The following PRKN variants were observed in gnomAD, a reference collection of about 807,000 sequenced individuals.
The protein encoded by PRKN is E3 ubiquitin-protein ligase parkin.
In PRKN, 56 loss-of-function variants were observed where a neutral mutation model predicts 59.5. That is an observed-to-expected ratio of 0.94 (90% confidence interval 0.76 to 1.18). The LOEUF (loss-of-function observed/expected upper bound fraction) is 1.18, where lower values mean the gene tolerates loss of function less well. Ranked by LOEUF, PRKN falls within the 50% of genes most tolerant of loss-of-function variation. The pLI, the probability that PRKN is intolerant of heterozygous loss-of-function variation, is 0.00. For synonymous variants in PRKN, 250 were observed against 222.1 expected, an observed-to-expected ratio of 1.13 and a Z score of -1.12; for missense variants, 657 against 596.4, an observed-to-expected ratio of 1.10 and a Z score of -1.06.
At chr6:162,491,397 G>A (rs1221401374) in intron 1 of PRKN, among the ~76,000 whole-genome samples, 1 of 152,194 alleles carries the variant, frequency 6.6e-6, no homozygotes, top group East Asian at 1.9e-4. Context: ...AGATCACCAT[G>A]CTTCACTGGG....
intron 7 of PRKN, among the ~76,000 whole-genome samples, chr6:161,674,621 C>G (rs1019887948): frequency 6.6e-6 from 1 of 152,046 alleles, no homozygotes; most frequent in Non-Finnish European, 1.5e-5. Flanking sequence ...ATATTACATG[C>G]GTAATTGTGG....
At chr6:162,661,959 C>T (rs1778901677) in intron 1 of PRKN, among the ~76,000 whole-genome samples, 1 of 152,160 alleles carries the variant, frequency 6.6e-6, no homozygotes, top group Non-Finnish European at 1.5e-5. Flanking sequence ...GGTTTTTCAA[C>T]CCTCATCCCC....
At chr6:162,187,542 T>A (rs1019735430) in intron 4 of PRKN, among the ~76,000 whole-genome samples, 1 of 152,044 alleles carries the variant, frequency 6.6e-6, no homozygotes, top group Non-Finnish European at 1.5e-5. Context: ...ACACCACCCC[T>A]CCAGCAAGTG....
At chr6:162,180,368 C>T (rs574860880) in intron 4 of PRKN, among the ~76,000 whole-genome samples, 54 of 152,284 alleles carry the variant, frequency 3.5e-4, no homozygotes, top group African/African-American at 1.2e-3. Context: ...GTGCTTATTT[C>T]ACATTGCATG....
chr6:162,022,030 ATCT>A (rs963235481), intron 5 of PRKN, among the ~76,000 whole-genome samples: 2 of 151,820 alleles, frequency 1.3e-5, no homozygotes. Flanking sequence ...CAGGATTTTG[ATCT>A]TTTTTTTTGG....
chr6:161,442,549 G>T lies in PRKN; in HGVS notation c.1084-55672C>A, dbSNP rs1254534307. Among the ~76,000 whole-genome samples, 1 of 152,182 alleles carries T rather than the reference G, an allele frequency of 6.6e-6. No individual in the cohort carries two copies. The highest frequency in any genetic ancestry group is 1.5e-5 in the Non-Finnish European group (1 of 68,040). On this transcript the variant is annotated intron_variant, in intron 9 of 11. Transcript: ENST00000366898. The surrounding 1 kb of genome is among the most constrained non-coding windows in gnomAD (Gnocchi z 4.6). ...CGAGTACAAGAAGGCACTGAATAGC[G>T]TGCCGTTCCGCACCACCAAGCGGAA...
chr6:162,618,373 A>G (rs537584867), intron 1 of PRKN, among the ~76,000 whole-genome samples: 117 of 152,294 alleles, frequency 7.7e-4, no homozygotes, highest in African/African-American at 2.7e-3. Flanking sequence ...TATGCTGCCA[A>G]CCAGTTTCTA....
At chr6:162,466,690 G>A (rs1207306816) in intron 1 of PRKN, among the ~76,000 whole-genome samples, 1 of 151,930 alleles carries the variant, frequency 6.6e-6, no homozygotes, top group African/African-American at 2.4e-5. Flanking sequence ...TTACAGGCAT[G>A]AGCCACCACA....
intron 1 of PRKN, among the ~76,000 whole-genome samples, chr6:162,514,207 C>T (rs1290426966): frequency 1.3e-5 from 2 of 151,592 alleles, no homozygotes; most frequent in African/African-American, 4.8e-5. Flanking sequence ...TTTCTTAAGA[C>T]TAATTTCTTC....
chr6:162,253,778 C>T (rs1033108528), intron 3 of PRKN, among the ~76,000 whole-genome samples: 3 of 151,722 alleles, frequency 2.0e-5, no homozygotes, highest in African/African-American at 4.9e-5. Context: ...AAAGAGGCAA[C>T]TTCATATCCA....
chr6:161,858,858 CTTTTT>C (rs71544920), intron 6 of PRKN, among the ~76,000 whole-genome samples: 3 of 71,934 alleles, frequency 4.2e-5, no homozygotes, highest in South Asian at 6.2e-4. Context: ...CACAGCTGTA[CTTTTT>C]TTTTTTTTTT....
chr6:162,594,010 C>T (rs1325943748), intron 1 of PRKN, among the ~76,000 whole-genome samples: 4 of 152,022 alleles, frequency 2.6e-5, no homozygotes, highest in Non-Finnish European at 4.4e-5. Flanking sequence ...ATTAGCCTAG[C>T]GTGGTGGCGT....
At chr6:162,517,759 T>C (rs1325656926) in intron 1 of PRKN, among the ~76,000 whole-genome samples, 1 of 151,962 alleles carries the variant, frequency 6.6e-6, no homozygotes, top group Non-Finnish European at 1.5e-5. Flanking sequence ...ATCATTCTGG[T>C]AAACTAAAAT....
At chr6:162,400,582 A>G (rs1201248077) in intron 2 of PRKN, among the ~76,000 whole-genome samples, 1 of 152,158 alleles carries the variant, frequency 6.6e-6, no homozygotes, top group Non-Finnish European at 1.5e-5. Flanking sequence ...AAACCGAACT[A>G]TCATTAGCTT....
chr6:161,449,570 A>C (rs770685280), intron 9 of PRKN, among the ~76,000 whole-genome samples: 1 of 152,208 alleles, frequency 6.6e-6, no homozygotes, highest in African/African-American at 2.4e-5. Context: ...AGTCAAAGCA[A>C]CAATAAAATA....
chr6:162,082,074 C>T (rs1408998697), intron 4 of PRKN, among the ~76,000 whole-genome samples: 1 of 151,958 alleles, frequency 6.6e-6, no homozygotes, highest in Non-Finnish European at 1.5e-5. Flanking sequence ...TGGCTGTGTC[C>T]CCACCCAAAT....
chr6:162,208,461 C>A (rs1013455755), intron 3 of PRKN, among the ~76,000 whole-genome samples: 3 of 152,104 alleles, frequency 2.0e-5, no homozygotes, highest in Non-Finnish European at 2.9e-5. Context: ...ATAATTTGAC[C>A]TACTGAGGCA....
intron 1 of PRKN, among the ~76,000 whole-genome samples, chr6:162,648,095 G>C (rs1166111093): frequency 6.6e-6 from 1 of 151,776 alleles, no homozygotes; most frequent in African/African-American, 2.4e-5. Context: ...AATATCTGAG[G>C]AAAGGTGTAA....
chr6:162,344,309 C>G (rs1583415179), intron 2 of PRKN, among the ~76,000 whole-genome samples: 1 of 148,394 alleles, frequency 6.7e-6, no homozygotes, highest in East Asian at 1.9e-4. Context: ...ACTCTGCAAT[C>G]AGAGATTCCC....
Sources: allele counts gnomAD v4.1 joint callset (sites outside exome capture counted in the v4.1 genomes callset), GRCh38; gene constraint gnomAD v4.1.1; non-coding constraint Gnocchi (gnomAD v3.1); transcripts MANE v1.5; gene names NCBI Gene and HGNC (gene_info 2026-07-23, HGNC 2026-07-21).